RBFOX1: variants seen among roughly 807,000 people sequenced by gnomAD.
The protein encoded by RBFOX1 is RNA binding protein fox-1 homolog 1.
RBFOX1 carries 8 observed loss-of-function variants against 57.7 expected under a neutral mutation model. The ratio of observed to expected loss-of-function variants is 0.14; its 90% confidence interval spans 0.08 to 0.25. The LOEUF (loss-of-function observed/expected upper bound fraction) is 0.25, where lower values mean the gene tolerates loss of function less well. Among genes scored for constraint, RBFOX1 ranks in the 10% least tolerant of loss-of-function variants. The pLI, the probability that RBFOX1 is intolerant of heterozygous loss-of-function variation, is 1.00. For synonymous variants in RBFOX1, 326 were observed against 222.4 expected (o/e 1.47, Z -4.15); for missense variants, 611 against 548.5 (o/e 1.11, Z -1.14).
chr16:5,330,488 C>T (rs905410858), intron 1 of RBFOX1, among the ~76,000 whole-genome samples: 50 of 152,182 alleles, frequency 3.3e-4, no homozygotes, highest in Non-Finnish European at 4.7e-4. Flanking sequence ...CTGCATCCTC[C>T]GCCTCCCAGG....
At chr16:7,500,521 T>G (rs2070391744) in intron 4 of RBFOX1, among the ~76,000 whole-genome samples, 1 of 152,246 alleles carries the variant, frequency 6.6e-6, no homozygotes, top group African/African-American at 2.4e-5. Flanking sequence ...ATCATGCATC[T>G]AAGCCTATTG....
chr16:7,261,588 C>G (rs1242304040), intron 4 of RBFOX1, among the ~76,000 whole-genome samples: 1 of 152,166 alleles, frequency 6.6e-6, no homozygotes, highest in Non-Finnish European at 1.5e-5. Flanking sequence ...TTAAAGACTT[C>G]CCTGTGCAGA....
chr16:7,536,645 G>A (rs1336057498), intron 5 of RBFOX1, among the ~76,000 whole-genome samples: 4 of 152,148 alleles, frequency 2.6e-5, no homozygotes, highest in African/African-American at 7.2e-5. Flanking sequence ...GAGAAAGGTG[G>A]GTGGATGTCC....
intron 4 of RBFOX1, among the ~76,000 whole-genome samples, chr16:7,218,236 C>T (rs191183707): frequency 6.6e-6 from 1 of 152,100 alleles, no homozygotes; most frequent in Admixed American, 6.5e-5. Flanking sequence ...ATTAATTTGG[C>T]CAAATCATCT....
At chr16:5,703,262 T>C (rs1358734849) in intron 3 of RBFOX1, among the ~76,000 whole-genome samples, 2 of 152,152 alleles carry the variant, frequency 1.3e-5, no homozygotes, top group Non-Finnish European at 2.9e-5. Flanking sequence ...GGTAAGGGCA[T>C]TGGGAAAAGG....
intron 14 of RBFOX1, among the ~76,000 whole-genome samples, chr16:7,698,471 G>A (rs1006242781): frequency 6.6e-6 from 1 of 152,072 alleles, no homozygotes; most frequent in South Asian, 2.1e-4. Context: ...TTAGAAGCAA[G>A]TTCAGGGGTA....
intron 11 of RBFOX1, among the ~76,000 whole-genome samples, chr16:7,634,215 A>T (rs529260453): frequency 6.6e-6 from 1 of 152,276 alleles, no homozygotes; most frequent in South Asian, 2.1e-4. Context: ...TTGAAAATGC[A>T]TATGTTCCTC....
chr16:6,288,020 G>A (rs886201323), intron 1 of RBFOX1, among the ~76,000 whole-genome samples: 3 of 152,102 alleles, frequency 2.0e-5, no homozygotes, highest in Non-Finnish European at 4.4e-5. Flanking sequence ...CTATAAACAA[G>A]CATCTGTAAG....
chr16:5,564,315 A>G (rs897645090), intron 2 of RBFOX1, among the ~76,000 whole-genome samples: 5 of 151,972 alleles, frequency 3.3e-5, no homozygotes, highest in East Asian at 1.9e-4. Context: ...ACCACACCCA[A>G]TTGAGGAGAG....
chr16:6,459,061 C>A (rs1240469523), intron 2 of RBFOX1, among the ~76,000 whole-genome samples: 1 of 152,224 alleles, frequency 6.6e-6, no homozygotes, highest in East Asian at 1.9e-4. Context: ...TTCAGCCAAG[C>A]CTGGTGGCTC....
chr16:6,680,773 A>G (rs989542560), intron 3 of RBFOX1, among the ~76,000 whole-genome samples: 1 of 152,194 alleles, frequency 6.6e-6, no homozygotes, highest in African/African-American at 2.4e-5. Context: ...AAGATGCTAG[A>G]TGGGCACCTA....
rs71404590 is a variant in RBFOX1, at chr16:6,143,959, C to CCACATA, written c.-127+123967_-127+123968insCACATA. On this transcript the variant is annotated intron_variant, in intron 1 of 15. Coordinates refer to ENST00000550418, the MANE Select transcript of RBFOX1 (RefSeq NM_018723.4). ...TGCAGGTGTGCAACACCATACTCAG[C>CCACATA]TATATATATATATATATATATATCT... 3.3e-3 allele frequency among the ~76,000 whole-genome samples: 466 copies of CCACATA among 139,978 alleles called. 12 individuals are homozygous for CCACATA. Among genetic ancestry groups the CCACATA allele is most frequent in the African/African-American group, 0.013 (458 of 35,652 alleles). 91.8% of individuals were successfully genotyped at this position (139,978 alleles called of 152,430 possible). A position where few individuals can be genotyped will look rare whatever the true frequency, so the allele number is the denominator to read the frequency against.
chr16:5,704,190 T>G (rs1005091110), intron 3 of RBFOX1, among the ~76,000 whole-genome samples: 1 of 152,096 alleles, frequency 6.6e-6, no homozygotes, highest in Non-Finnish European at 1.5e-5. Flanking sequence ...AGTACCCAGA[T>G]GGAGGAGGAC....
chr16:7,593,624 G>C (rs2094550431), intron 7 of RBFOX1, among the ~76,000 whole-genome samples: 2 of 151,908 alleles, frequency 1.3e-5, no homozygotes, highest in Non-Finnish European at 2.9e-5. Context: ...GTTCACCCTT[G>C]AACAACACAG....
At chr16:6,906,091 C>A (rs1039901805) in intron 3 of RBFOX1, among the ~76,000 whole-genome samples, 1 of 148,074 alleles carries the variant, frequency 6.8e-6, no homozygotes, top group Non-Finnish European at 1.5e-5. Flanking sequence ...TTCGATGGAA[C>A]GCTTTGCTTT....
chr16:6,167,961 A>G (rs573092300), intron 1 of RBFOX1, among the ~76,000 whole-genome samples: 2 of 152,318 alleles, frequency 1.3e-5, no homozygotes, highest in East Asian at 1.9e-4. Context: ...AACTCCACCC[A>G]TGGCAAAATC....
At chr16:5,559,673 T>C (rs1371712458) in intron 2 of RBFOX1, among the ~76,000 whole-genome samples, 1 of 152,202 alleles carries the variant, frequency 6.6e-6, no homozygotes, top group African/African-American at 2.4e-5. Flanking sequence ...TTCTCCTCTT[T>C]CCCCTTGGAA....
intron 2 of RBFOX1, among the ~76,000 whole-genome samples, chr16:6,513,452 G>A (rs1214965532): frequency 6.6e-6 from 1 of 152,174 alleles, no homozygotes; most frequent in African/African-American, 2.4e-5. Context: ...GAGACCATGA[G>A]GCCGGGCGCG....
chr16:6,093,873 G>A (rs562245537), intron 1 of RBFOX1, among the ~76,000 whole-genome samples: 10 of 151,600 alleles, frequency 6.6e-5, no homozygotes, highest in African/African-American at 1.9e-4. Flanking sequence ...TCCCTCCTCC[G>A]CCTCCCAAAG....
Sources: allele counts gnomAD v4.1 joint callset (sites outside exome capture counted in the v4.1 genomes callset), GRCh38; gene constraint gnomAD v4.1.1; transcripts MANE v1.5; gene names NCBI Gene and HGNC (gene_info 2026-07-23, HGNC 2026-07-21).